The following FAT3 variants were observed in gnomAD, a reference collection of about 807,000 sequenced individuals.
FAT3 encodes FAT atypical cadherin 3, also known as protocadherin Fat 3.
Under a neutral mutation model 310.2 loss-of-function variants are expected in FAT3, and 95 were observed. The observed-to-expected ratio is 0.31, with a 90% CI of 0.26 to 0.36. The LOEUF is 0.36. Ranked by LOEUF, FAT3 falls within the 10% of genes least tolerant of loss-of-function variation. The pLI is 1.00. For missense variants in FAT3, 5,408 were observed against 5,715.6 expected (o/e 0.95, Z 1.74); for synonymous variants, 2,314 against 2,192.9 (o/e 1.06, Z -1.54).
rs1380289008 is a variant in FAT3, at chr11:92,783,347, G to C, written c.4336-6596G>C. Among the ~76,000 whole-genome samples, 3 of 94,574 alleles carry C rather than the reference G, an allele frequency of 3.2e-5. No homozygotes were observed. In the East Asian group the frequency reaches 1.1e-3, roughly 35 times the overall value. The allele number at this position is 94,574 out of a possible 152,430, so 62.0% of individuals were successfully genotyped here. ...CACTCCAGCCTGGGTGACAGAGCAA[G>C]ACTCCATCTCAAAAAAAAAAAAAAA... On this transcript the variant is annotated intron_variant, in intron 7 of 27. Transcript: ENST00000525166.
intron 2 of FAT3, among the ~76,000 whole-genome samples, chr11:92,427,392 C>T (rs1950658869): frequency 6.6e-6 from 1 of 152,176 alleles, no homozygotes; most frequent in Non-Finnish European, 1.5e-5. Flanking sequence ...CTGGCCAGAA[C>T]TTCCAATACT....
chr11:92,378,474 T>C (rs1043650771), intron 2 of FAT3, among the ~76,000 whole-genome samples: 1 of 152,188 alleles, frequency 6.6e-6, no homozygotes, highest in Non-Finnish European at 1.5e-5. Context: ...CTATCTCTTA[T>C]ACCCCAGTTG....
chr11:92,849,230 C>G (rs1355379929), intron 19 of FAT3, among the ~76,000 whole-genome samples: 1 of 152,158 alleles, frequency 6.6e-6, no homozygotes, highest in Non-Finnish European at 1.5e-5. Flanking sequence ...ATTTTTTAAC[C>G]ACAGCAGCTT....
At chr11:92,549,551 T>C (rs1049794817) in intron 3 of FAT3, among the ~76,000 whole-genome samples, 4 of 152,068 alleles carry the variant, frequency 2.6e-5, no homozygotes, top group African/African-American at 9.7e-5. Context: ...GACAATGTTA[T>C]GACTTTGGCA....
At chr11:92,593,286 A>G (rs902927899) in intron 3 of FAT3, among the ~76,000 whole-genome samples, 9 of 152,004 alleles carry the variant, frequency 5.9e-5, no homozygotes, top group African/African-American at 1.9e-4. Context: ...AATCTCTTTG[A>G]GTCTCTGCTT....
chr11:92,820,057 T>G (rs530527525), intron 13 of FAT3, among the ~76,000 whole-genome samples: 1 of 152,186 alleles, frequency 6.6e-6, no homozygotes, highest in Non-Finnish European at 1.5e-5. Context: ...ATGATATCAC[T>G]TCAGAGATTA....
intron 2 of FAT3, among the ~76,000 whole-genome samples, chr11:92,454,733 T>C (rs908393696): frequency 6.6e-6 from 1 of 152,204 alleles, no homozygotes; most frequent in African/African-American, 2.4e-5. Flanking sequence ...AACCACTGGA[T>C]TGGACTTTGA....
chr11:92,646,773 G>A (rs1355812172), intron 3 of FAT3, among the ~76,000 whole-genome samples: 1 of 152,154 alleles, frequency 6.6e-6, no homozygotes, highest in African/African-American at 2.4e-5. Flanking sequence ...CTTAAACACA[G>A]ATGTGCACCC....
chr11:92,517,120 G>T (rs551893393), intron 2 of FAT3, among the ~76,000 whole-genome samples: 11 of 152,096 alleles, frequency 7.2e-5, no homozygotes, highest in African/African-American at 2.7e-4. Flanking sequence ...TCAAAGAATT[G>T]GAAAAAACTA....
At chr11:92,268,367 G>A (rs1227625924) in intron 1 of FAT3, among the ~76,000 whole-genome samples, 1 of 151,882 alleles carries the variant, frequency 6.6e-6, no homozygotes. Flanking sequence ...GGACCTAGCT[G>A]CCTTAACTTC....
chr11:92,840,429 G>A, intron 17 of FAT3, 133 bp from the exon 18 acceptor site: 1 of 787,726 alleles, frequency 1.3e-6, no homozygotes, highest in Non-Finnish European at 1.9e-6. Flanking sequence ...CCCTTCTGCT[G>A]AAAGCCCTGT....
chr11:92,451,662 C>T (rs1362102129), intron 2 of FAT3, among the ~76,000 whole-genome samples: 1 of 152,134 alleles, frequency 6.6e-6, no homozygotes, highest in African/African-American at 2.4e-5. Flanking sequence ...TAGTAATGCA[C>T]ATTCCCTTTA....
chr11:92,641,141 G>A (rs1016656809), intron 3 of FAT3, among the ~76,000 whole-genome samples: 2 of 152,088 alleles, frequency 1.3e-5, no homozygotes, highest in Admixed American at 1.3e-4. Context: ...GCTGCAGTGA[G>A]CCAAGATTGT....
Position 92,887,546 on chromosome 11 carries a change from G to A in FAT3, c.13051+433G>A, listed in dbSNP as rs867179307. On this transcript the variant is annotated intron_variant, in intron 25 of 27. Transcript: ENST00000525166. ...ACAAAAACCTTCTTATAGAACCAGT[G>A]GAATCTTCATTCAATTGAATCCCCC... Among the ~76,000 whole-genome samples, 3 of 152,216 alleles carry A rather than the reference G, an allele frequency of 2.0e-5. No homozygotes were observed. The South Asian group carries it at 6.2e-4, about 32-fold the overall frequency.
At position 92,844,514 on chromosome 11, in the gene FAT3, C is replaced by T. The variant is rs887106773; in HGVS notation, c.11147C>T (p.Ala3716Val). The T allele has an allele frequency of 6.2e-7, 1 of 1,613,870 alleles. No individual in the cohort carries two copies. The highest frequency in any genetic ancestry group is 2.2e-5 in the East Asian group (1 of 44,890). Residue 3716 changes from alanine (A) to valine (V), a missense_variant, in exon 19 of 28, where the codon GCC becomes GTC. Transcript: ENST00000525166. The part of the protein sequence containing the change: ...EMHSSEFYKP[A>V]YLIQKLSNAR... The stretch of plus-strand genomic sequence containing the variant: ...CACAGCAGCGAGTTCTACAAGCCAG[C>T]CTACCTGATCCAGAAGCTGTCCAAT...
chr11:92,419,535 A>G (rs1950494677), intron 2 of FAT3, among the ~76,000 whole-genome samples: 1 of 152,216 alleles, frequency 6.6e-6, no homozygotes, highest in Non-Finnish European at 1.5e-5. Context: ...TGGAAGATAC[A>G]GAGAAGAGAT....
intron 2 of FAT3, among the ~76,000 whole-genome samples, chr11:92,433,282 G>GA (rs934222860): frequency 3.9e-5 from 6 of 151,980 alleles, no homozygotes; most frequent in Middle Eastern, 3.4e-3. Context: ...ACTGGGGTAT[G>GA]AAAAAAAACT....
At chr11:92,624,441 T>C (rs1186954610) in intron 3 of FAT3, among the ~76,000 whole-genome samples, 1 of 152,098 alleles carries the variant, frequency 6.6e-6, no homozygotes, top group Non-Finnish European at 1.5e-5. Flanking sequence ...CTAAGGACAC[T>C]TTTCTCTACT....
chr11:92,775,744 A>G (rs986764577), intron 7 of FAT3, among the ~76,000 whole-genome samples: 4 of 152,232 alleles, frequency 2.6e-5, no homozygotes, highest in Admixed American at 2.0e-4. Flanking sequence ...TTTCTAAAAT[A>G]TGAAATTCAG....
Sources: gnomAD v4.1 joint callset for allele counts (sites outside exome capture counted in the v4.1 genomes callset) on GRCh38, gnomAD v4.1.1 for gene constraint, MANE v1.5 for transcripts, NCBI Gene and HGNC (gene_info 2026-07-23, HGNC 2026-07-21) for gene names.